CPEB3: variants seen among roughly 807,000 people sequenced by gnomAD.
CPEB3 encodes the protein cytoplasmic polyadenylation element binding protein 3.
In CPEB3, 20 loss-of-function variants were observed where a neutral mutation model predicts 67.2. The observed-to-expected ratio is 0.30, with a 90% CI of 0.21 to 0.43. CPEB3 has a LOEUF of 0.43. Among genes scored for constraint, CPEB3 ranks in the 20% least tolerant of loss-of-function variants. The pLI is 1.00. For synonymous variants in CPEB3, 376 were observed against 393.1 expected (o/e 0.96, Z 0.51); for missense variants, 746 against 968.6 (o/e 0.77, Z 3.05).
chr10:92,287,939 T>C (rs187285890), intron 1 of CPEB3, among the ~76,000 whole-genome samples: 30 of 152,174 alleles, frequency 2.0e-4, no homozygotes, highest in Admixed American at 5.2e-4. Flanking sequence ...CTCTATGGAG[T>C]TGCCTATTCT....
chr10:92,081,611 AC>A lies in CPEB3; in HGVS notation c.1688-111del, dbSNP rs1020684071. On this transcript the variant is annotated intron_variant, in intron 8 of 9. Transcript: ENST00000265997. Reference sequence around the variant, plus strand: ...ATGCAATGTAATTAAGAAAAGGAAAACCCATGTTAAGTATCATGAAGAATGT... The same window carrying A: ...ATGCAATGTAATTAAGAAAAGGAAAACCATGTTAAGTATCATGAAGAATGT... The A allele has an allele frequency of 1.9e-5, 18 of 959,714 alleles. No homozygotes were observed. In the African/African-American group the frequency reaches 2.8e-4, roughly 15 times the overall value. 59.4% of individuals were successfully genotyped at this position (959,714 alleles called of 1,614,324 possible).
intron 4 of CPEB3, among the ~76,000 whole-genome samples, chr10:92,172,440 T>C (rs1340301991): frequency 1.3e-5 from 2 of 152,228 alleles, no homozygotes; most frequent in Non-Finnish European, 2.9e-5. Flanking sequence ...TGTGGAAGTA[T>C]ACTGACTCTC....
intron 1 of CPEB3, among the ~76,000 whole-genome samples, chr10:92,257,714 A>G (rs1055704563): frequency 7.9e-5 from 12 of 151,362 alleles, no homozygotes; most frequent in Admixed American, 2.7e-4. Flanking sequence ...ATAATGTAGA[A>G]AAGGACCTCA....
At chr10:92,129,459 A>G (rs1845744497) in intron 6 of CPEB3, among the ~76,000 whole-genome samples, 1 of 152,112 alleles carries the variant, frequency 6.6e-6, no homozygotes, top group Admixed American at 6.6e-5. Context: ...CTACATAACA[A>G]AAAGACTGGA....
chr10:92,090,108 T>C (rs1843551692), intron 8 of CPEB3, among the ~76,000 whole-genome samples: 1 of 152,206 alleles, frequency 6.6e-6, no homozygotes, highest in East Asian at 1.9e-4. Flanking sequence ...TGAAGTTTAA[T>C]GTATAAACTT....
At chr10:92,284,848 A>G (rs562051834) in intron 1 of CPEB3, among the ~76,000 whole-genome samples, 13 of 152,220 alleles carry the variant, frequency 8.5e-5, no homozygotes, top group Non-Finnish European at 1.8e-4. Context: ...CATACAATCA[A>G]TATTTTTTAA....
intron 1 of CPEB3, among the ~76,000 whole-genome samples, chr10:92,260,819 G>A (rs910542108): frequency 1.3e-5 from 2 of 152,072 alleles, no homozygotes; most frequent in African/African-American, 4.8e-5. Context: ...ATGTTGGCCA[G>A]GCTGGTCTCG....
At chr10:92,071,749 A>T (rs928054453) in intron 9 of CPEB3, among the ~76,000 whole-genome samples, 8 of 151,988 alleles carry the variant, frequency 5.3e-5, no homozygotes, top group African/African-American at 1.9e-4. Flanking sequence ...AAAAAAAAAA[A>T]ATTTTTTTCT....
At chr10:92,055,432 A>T (rs1842073479) in intron 9 of CPEB3, among the ~76,000 whole-genome samples, 1 of 152,192 alleles carries the variant, frequency 6.6e-6, no homozygotes, top group Admixed American at 6.5e-5. Context: ...TGGTGCCAAC[A>T]TATCTTGAAT....
At chr10:92,134,995 A>C (rs938570860) in intron 6 of CPEB3, among the ~76,000 whole-genome samples, 20 of 151,954 alleles carry the variant, frequency 1.3e-4, no homozygotes, top group Middle Eastern at 3.2e-3. Flanking sequence ...CTTCCTTACA[A>C]CTTATACAAA....
At chr10:92,165,403 CTTTTT>C (rs34205234) in intron 4 of CPEB3, among the ~76,000 whole-genome samples, 5 of 121,456 alleles carry the variant, frequency 4.1e-5, no homozygotes, top group Non-Finnish European at 8.0e-5. Context: ...CTTTTTTCTT[CTTTTT>C]TTTTTTTTTT....
chr10:92,112,126 C>CAT (rs1218976973), intron 6 of CPEB3, among the ~76,000 whole-genome samples: 1 of 122,032 alleles, frequency 8.2e-6, no homozygotes, highest in East Asian at 2.5e-4. Flanking sequence ...GACCACGTTC[C>CAT]TTTTTTTTTT....
At chr10:92,265,209 T>A (rs537450008) in intron 1 of CPEB3, among the ~76,000 whole-genome samples, 5 of 152,032 alleles carry the variant, frequency 3.3e-5, no homozygotes, top group Non-Finnish European at 5.9e-5. Context: ...TGAAATAAAT[T>A]TCAGAAAAAT....
intron 9 of CPEB3, among the ~76,000 whole-genome samples, chr10:92,057,269 AC>A (rs1564744129): frequency 6.6e-6 from 1 of 152,194 alleles, no homozygotes; most frequent in Non-Finnish European, 1.5e-5. Flanking sequence ...GGCAGTACTT[AC>A]CACGAGCTGA....
At chr10:92,216,113 G>A (rs1419928160) in intron 2 of CPEB3, among the ~76,000 whole-genome samples, 1 of 146,372 alleles carries the variant, frequency 6.8e-6, no homozygotes, top group South Asian at 2.2e-4. Flanking sequence ...ACCTGAACTA[G>A]AACATCAGAA....
chr10:92,105,947 C>T (rs914570890), intron 7 of CPEB3, among the ~76,000 whole-genome samples: 3 of 151,986 alleles, frequency 2.0e-5, no homozygotes, highest in Non-Finnish European at 2.9e-5. Context: ...GGCTAGAGTG[C>T]GATGGCGCAA....
chr10:92,147,774 CAG>C (rs2133862815), intron 4 of CPEB3, among the ~76,000 whole-genome samples: 1 of 152,160 alleles, frequency 6.6e-6, no homozygotes, highest in Non-Finnish European at 1.5e-5. Flanking sequence ...AGAATCTTGT[CAG>C]AGTGGGAGTT....
intron 2 of CPEB3, among the ~76,000 whole-genome samples, chr10:92,230,459 A>T (rs575462740): frequency 2.0e-5 from 3 of 152,204 alleles, no homozygotes; most frequent in Non-Finnish European, 4.4e-5. Context: ...CCTGCCAACA[A>T]GCATTTATAT....
At chr10:92,198,451 C>T (rs1849345610) in intron 2 of CPEB3, among the ~76,000 whole-genome samples, 1 of 152,202 alleles carries the variant, frequency 6.6e-6, no homozygotes, top group Non-Finnish European at 1.5e-5. Flanking sequence ...TACCTCTATA[C>T]AATCCCAGGT....
Sources: allele counts gnomAD v4.1 joint callset (sites outside exome capture counted in the v4.1 genomes callset), GRCh38; gene constraint gnomAD v4.1.1; transcripts MANE v1.5; gene names NCBI Gene and HGNC (gene_info 2026-07-23, HGNC 2026-07-21).